The following TAFA2 variants were observed in gnomAD, a reference collection of about 807,000 sequenced individuals.
The protein encoded by TAFA2 is TAFA chemokine like family member 2, also known as chemokine-like protein TAFA-2.
Under a neutral mutation model 18.8 loss-of-function variants are expected in TAFA2, and 7 were observed. The observed-to-expected ratio is 0.37, with a 90% CI of 0.21 to 0.70. The LOEUF (loss-of-function observed/expected upper bound fraction) is 0.70. TAFA2 is among the 30% of genes least tolerant of loss of function. The pLI is 0.53. For synonymous variants in TAFA2, 60 were observed against 54.2 expected (o/e 1.11, Z -0.47); for missense variants, 122 against 158.1 (o/e 0.77, Z 1.23).
intron 1 of TAFA2, among the ~76,000 whole-genome samples, chr12:61,921,761 A>G (rs1877064942): frequency 6.6e-6 from 1 of 152,222 alleles, no homozygotes; most frequent in African/African-American, 2.4e-5. Flanking sequence ...ATATAACTAC[A>G]CAGTATGACT....
chr12:61,781,132 G>A (rs1312277268), intron 2 of TAFA2, among the ~76,000 whole-genome samples: 1 of 151,750 alleles, frequency 6.6e-6, no homozygotes, highest in Non-Finnish European at 1.5e-5. Context: ...CAGTGTGAAG[G>A]CATCTCAGTG....
intron 1 of TAFA2, among the ~76,000 whole-genome samples, chr12:61,999,041 A>C (rs1880292276): frequency 6.6e-6 from 1 of 152,214 alleles, no homozygotes; most frequent in South Asian, 2.1e-4. Context: ...TGCATGAACG[A>C]GATCTAGTTT....
chr12:61,988,744 C>T (rs1879899615), intron 1 of TAFA2, among the ~76,000 whole-genome samples: 1 of 152,164 alleles, frequency 6.6e-6, no homozygotes, highest in African/African-American at 2.4e-5. Flanking sequence ...GTCTCTTGTA[C>T]TCTCCAGTAC....
chr12:61,896,334 A>G (rs1392921359), intron 1 of TAFA2, among the ~76,000 whole-genome samples: 1 of 152,230 alleles, frequency 6.6e-6, no homozygotes, highest in African/African-American at 2.4e-5. Flanking sequence ...TTAAGCCAAG[A>G]TCTAATTATA....
intron 4 of TAFA2, among the ~76,000 whole-genome samples, chr12:61,718,953 A>G (rs932299359): frequency 6.6e-6 from 1 of 152,176 alleles, no homozygotes; most frequent in Non-Finnish European, 1.5e-5. Context: ...TCCTTTTCGC[A>G]GCCTAGAGAG....
intron 1 of TAFA2, among the ~76,000 whole-genome samples, chr12:62,101,144 A>G (rs1408807013): frequency 2.0e-5 from 3 of 152,126 alleles, no homozygotes; most frequent in Non-Finnish European, 4.4e-5. Flanking sequence ...ATAAACCAGG[A>G]CCCAGAAGAG....
At chr12:62,210,633 A>C (rs1306363873) in intron 1 of TAFA2, among the ~76,000 whole-genome samples, 2 of 152,232 alleles carry the variant, frequency 1.3e-5, no homozygotes, top group Non-Finnish European at 2.9e-5. Flanking sequence ...GGAGTCTTTG[A>C]ATGGCAAAAA....
chr12:62,009,873 C>T (rs1279186305), intron 1 of TAFA2, among the ~76,000 whole-genome samples: 3 of 152,128 alleles, frequency 2.0e-5, no homozygotes, highest in Non-Finnish European at 4.4e-5. Context: ...CTTCCCTTTC[C>T]GTCTTCAGAC....
At chr12:61,988,137 T>C (rs918478034) in intron 1 of TAFA2, among the ~76,000 whole-genome samples, 3 of 152,202 alleles carry the variant, frequency 2.0e-5, no homozygotes, top group African/African-American at 7.2e-5. Context: ...CAGACAGAAC[T>C]TAGCACCCTA....
rs1024567071 is a variant in TAFA2 at position 61,857,770 on chromosome 12, C to G, written c.106+9550G>C. On this transcript the variant is annotated intron_variant, in intron 2 of 4. Coordinates refer to ENST00000416284, the MANE Select transcript of TAFA2 (RefSeq NM_178539.5). The stretch of plus-strand genomic sequence containing the variant: ...TAGTCTGAAGGTTCACCCCCTCCTT[C>G]TCCTGCACCTCCTCTCTTTATATCA... 3.0e-5 allele frequency among the ~76,000 whole-genome samples: 4 copies of G among 135,436 alleles called. No individual in the cohort carries two copies. In the East Asian group the frequency reaches 8.7e-4, roughly 30 times the overall value. The allele number at this position is 135,436 out of a possible 152,430, so 88.9% of individuals were successfully genotyped here.
chr12:62,116,879 C>CT (rs1290698947), intron 1 of TAFA2, among the ~76,000 whole-genome samples: 1 of 152,162 alleles, frequency 6.6e-6, no homozygotes, highest in African/African-American at 2.4e-5. Context: ...TATTTGGCCA[C>CT]TTTTATCTAT....
intron 1 of TAFA2, among the ~76,000 whole-genome samples, chr12:62,002,650 A>C (rs948715285): frequency 6.6e-6 from 1 of 152,172 alleles, no homozygotes; most frequent in African/African-American, 2.4e-5. Flanking sequence ...TCTAAAACAC[A>C]ACCCCTATCT....
At chr12:61,966,167 A>T (rs564997159) in intron 1 of TAFA2, among the ~76,000 whole-genome samples, 1 of 152,024 alleles carries the variant, frequency 6.6e-6, no homozygotes, top group African/African-American at 2.4e-5. Flanking sequence ...CACTGTCCTC[A>T]TCATTCTGTG....
Position 61,765,237 on chromosome 12 carries a change from C to T in TAFA2, c.107-10213G>A, listed in dbSNP as rs548647429. Among the ~76,000 whole-genome samples, 3 of 152,110 alleles carry T rather than the reference C, an allele frequency of 2.0e-5. No individual in the cohort carries two copies. The South Asian group carries it at 6.2e-4, about 32-fold the overall frequency. ...TTCTCCTTTCAGGTAGATGTTAGTG[C>T]CAAGAGTGACCTTGGAAACCATGTG... On this transcript the variant is annotated intron_variant, in intron 2 of 4. Coordinates refer to ENST00000416284, the MANE Select transcript of TAFA2 (RefSeq NM_178539.5).
chr12:62,059,671 A>G (rs889570021), intron 1 of TAFA2, among the ~76,000 whole-genome samples: 1 of 152,226 alleles, frequency 6.6e-6, no homozygotes, highest in Non-Finnish European at 1.5e-5. Context: ...TATTCCAGGC[A>G]GAGTCAACAG....
intron 1 of TAFA2, among the ~76,000 whole-genome samples, chr12:62,113,203 C>T (rs1024082438): frequency 1.4e-4 from 22 of 152,212 alleles, no homozygotes; most frequent in African/African-American, 5.3e-4. Context: ...GATGCTATTC[C>T]TTTCTGTTTG....
At chr12:62,079,191 T>A (rs1868282816) in intron 1 of TAFA2, among the ~76,000 whole-genome samples, 1 of 152,110 alleles carries the variant, frequency 6.6e-6, no homozygotes, top group African/African-American at 2.4e-5. Context: ...TAAACAAGTC[T>A]ACCCATGAAC....
At chr12:62,036,482 G>C (rs1881614946) in intron 1 of TAFA2, among the ~76,000 whole-genome samples, 2 of 152,190 alleles carry the variant, frequency 1.3e-5, no homozygotes, top group Admixed American at 1.3e-4. Flanking sequence ...AGGGCCACTA[G>C]TTATGTACTT....
chr12:61,803,277 G>A (rs566316481), intron 2 of TAFA2, among the ~76,000 whole-genome samples: 1 of 151,764 alleles, frequency 6.6e-6, no homozygotes, highest in Non-Finnish European at 1.5e-5. Context: ...CTCTGACTAG[G>A]GAAAAGCTGC....
Sources: gnomAD v4.1 joint callset for allele counts (sites outside exome capture counted in the v4.1 genomes callset) on GRCh38, gnomAD v4.1.1 for gene constraint, MANE v1.5 for transcripts, NCBI Gene and HGNC (gene_info 2026-07-23, HGNC 2026-07-21) for gene names.